Variants in HIBCH observed in about 807,000 individuals in gnomAD.
HIBCH encodes the protein 3-hydroxyisobutyryl-CoA hydrolase, mitochondrial.
In HIBCH, 50 loss-of-function variants were observed where a neutral mutation model predicts 58.2. The ratio of observed to expected loss-of-function variants is 0.86; its 90% confidence interval spans 0.68 to 1.09. The LOEUF (loss-of-function observed/expected upper bound fraction) is 1.09, where lower values mean the gene tolerates loss of function less well. Among genes scored for constraint, HIBCH ranks in the 50% least tolerant of loss-of-function variants. HIBCH has a pLI of 0.00. For missense variants in HIBCH, 450 were observed against 449.7 expected (o/e 1.00, Z -0.01); for synonymous variants, 151 against 146.9 (o/e 1.03, Z -0.20).
At position 190,215,467 on chromosome 2, in the gene HIBCH, CTGTGTT is replaced by C. The variant is rs773394683; in HGVS notation, c.892-2398_892-2393del. On this transcript the variant is annotated intron_variant, in intron 11 of 13. Transcript: ENST00000359678. The surrounding 1 kb of genome is among the most constrained non-coding windows in gnomAD (Gnocchi z 4.4). ...ACAACAAAAAAGGAGGAGACTCCCT[CTGTGTT>C]GCTGCAGAGGCTCAGTGATCAAATG... 1 of 152,190 alleles carries C rather than the reference CTGTGTT, an allele frequency of 6.6e-6. No homozygotes were observed. Among genetic ancestry groups the C allele is most frequent in the Non-Finnish European group, 1.5e-5 (1 of 68,028 alleles). The allele number at this position is 152,190 out of a possible 1,614,324, so 9.4% of individuals were successfully genotyped here.
At chr2:190,275,173 A>G (rs566426252) in intron 6 of HIBCH, among the ~76,000 whole-genome samples, 2 of 152,310 alleles carry the variant, frequency 1.3e-5, no homozygotes, top group East Asian at 3.9e-4. Flanking sequence ...CTATTCGAAA[A>G]TGCAAGAGGT....
At chr2:190,195,482 T>C (rs1301125620) in intron 1 of HIBCH, among the ~76,000 whole-genome samples, 1 of 152,200 alleles carries the variant, frequency 6.6e-6, no homozygotes, top group East Asian at 1.9e-4. Flanking sequence ...TATCTCACTG[T>C]TTAAATTTAC....
At chr2:190,199,111 ACT>A (rs1483879722), downstream of HIBCH, among the ~76,000 whole-genome samples, 1 of 152,082 alleles carries the variant, frequency 6.6e-6, no homozygotes, top group Non-Finnish European at 1.5e-5. Flanking sequence ...ATAAAGCCAG[ACT>A]CTAACAGTAG....
At chr2:190,314,699 G>A (rs1381157286) in intron 1 of HIBCH, among the ~76,000 whole-genome samples, 1 of 152,024 alleles carries the variant, frequency 6.6e-6, no homozygotes, top group African/African-American at 2.4e-5. Flanking sequence ...GGCTAGTCTT[G>A]AACTCCCAAC....
intron 11 of HIBCH, among the ~76,000 whole-genome samples, chr2:190,226,897 A>T (rs927493833): frequency 6.6e-6 from 1 of 152,148 alleles, no homozygotes; most frequent in East Asian, 1.9e-4. Flanking sequence ...CTTCAAGGAG[A>T]ACTACAAACC....
intron 5 of HIBCH, among the ~76,000 whole-genome samples, chr2:190,289,338 C>A (rs1324195144): frequency 6.6e-6 from 1 of 151,970 alleles, no homozygotes; most frequent in East Asian, 1.9e-4. Context: ...AGGCACATGA[C>A]AAAAACTGAA....
At chr2:190,231,499 A>G (rs1686095414) in intron 11 of HIBCH, among the ~76,000 whole-genome samples, 1 of 152,230 alleles carries the variant, frequency 6.6e-6, no homozygotes, top group East Asian at 1.9e-4. Context: ...GTAATTACCG[A>G]AAAAGCTCTT....
intron 9 of HIBCH, among the ~76,000 whole-genome samples, chr2:190,248,475 T>G (rs927154432): frequency 6.6e-6 from 1 of 152,172 alleles, no homozygotes; most frequent in Non-Finnish European, 1.5e-5. Flanking sequence ...GTCTCTACTG[T>G]CAGCTAGACC....
chr2:190,191,313 TC>T (rs1224470081), intron 1 of HIBCH, among the ~76,000 whole-genome samples: 3 of 152,052 alleles, frequency 2.0e-5, no homozygotes, highest in Non-Finnish European at 4.4e-5. Flanking sequence ...CTGCTAACTT[TC>T]TTGTATTTTC....
chr2:190,317,056 G>T (rs1688722636), intron 1 of HIBCH, among the ~76,000 whole-genome samples: 1 of 152,166 alleles, frequency 6.6e-6, no homozygotes, highest in Non-Finnish European at 1.5e-5. Context: ...TGGAAGGATA[G>T]GCGTATGCCA....
chr2:190,286,892 C>A (rs1224224134), intron 6 of HIBCH, among the ~76,000 whole-genome samples: 2 of 151,142 alleles, frequency 1.3e-5, no homozygotes, highest in African/African-American at 2.4e-5. Flanking sequence ...ATTCTAGTTT[C>A]TCTTCTGAAG....
chr2:190,212,691 T>G (rs1690540783), intron 12 of HIBCH, among the ~76,000 whole-genome samples: 1 of 152,184 alleles, frequency 6.6e-6, no homozygotes, highest in Non-Finnish European at 1.5e-5. Flanking sequence ...AGACATTAAT[T>G]TCTATTTTGA....
In HIBCH at chr2:190,244,862, A is replaced by T. The variant is rs762656578; in HGVS notation, c.891+25T>A. Reference sequence around the variant, plus strand: ...TCACCGGACTTCACTATGTTCACTCAGGGCAGAAAGGATTCCAATATTACC... The same window carrying T: ...TCACCGGACTTCACTATGTTCACTCTGGGCAGAAAGGATTCCAATATTACC... On this transcript the variant is annotated intron_variant, in intron 11 of 13. Transcript: ENST00000359678. 18 of 1,482,028 alleles carry T rather than the reference A, an allele frequency of 1.2e-5. No individual in the cohort carries two copies. The East Asian group carries it at 2.0e-4, about 17-fold the overall frequency. 91.8% of individuals were successfully genotyped at this position (1,482,028 alleles called of 1,614,324 possible).
rs931953377 is a variant in HIBCH at position 190,223,040 on chromosome 2, A to G, written c.892-9965T>C. 3.3e-5 allele frequency among the ~76,000 whole-genome samples: 5 copies of G among 152,322 alleles called. No individual in the cohort carries two copies. In the South Asian group the frequency reaches 1.0e-3, roughly 32 times the overall value. On this transcript the variant is annotated intron_variant, in intron 11 of 13. Transcript: ENST00000359678. ...ACAAGATCAGAAAACCAAACACCAC[A>G]TGTTCTCACTCATAAGTGGGAGTTG...
downstream of HIBCH, chr2:190,203,799 A>G (rs533361796): frequency 1.4e-4 from 22 of 152,258 alleles, no homozygotes; most frequent in African/African-American, 5.3e-4. Context: ...CCATTTCCTC[A>G]TCTATGAGAA....
In HIBCH at chr2:190,306,346, T is replaced by C. The variant is rs1286545970; in HGVS notation, c.78+4408A>G. 6.6e-6 allele frequency among the ~76,000 whole-genome samples: 1 copy of C among 152,160 alleles called. No individual in the cohort carries two copies. The highest frequency in any genetic ancestry group is 6.5e-5 in the Admixed American group (1 of 15,284). On this transcript the variant is annotated intron_variant, in intron 2 of 13. Transcript: ENST00000359678. This position sits in a 1 kb window ranked among gnomAD's most constrained non-coding sequence, Gnocchi z 4.6. ...TGACCACTCCTTGCCTGGGTCATTT[T>C]CAAGGTAGCCACCATGAAGAAAAAG...
chr2:190,221,898 T>C (rs987519616), intron 11 of HIBCH, among the ~76,000 whole-genome samples: 1 of 152,182 alleles, frequency 6.6e-6, no homozygotes, highest in African/African-American at 2.4e-5. Flanking sequence ...ACAGCTCCCC[T>C]TCCTTGAGAG....
At chr2:190,224,978 G>A (rs1377535152) in intron 11 of HIBCH, among the ~76,000 whole-genome samples, 5 of 152,178 alleles carry the variant, frequency 3.3e-5, no homozygotes, top group Non-Finnish European at 7.4e-5. Context: ...ACTCAAAATC[G>A]CTCAACTACT....
Position 190,214,779 on chromosome 2 carries a change from C to T in HIBCH, c.892-1704G>A, listed in dbSNP as rs1215161842. ...CCAACACGCTTGCCCCTCCCCCAAA[C>T]ATCTCACAAGGTAGAGGACAGGGAG... On this transcript the variant is annotated intron_variant, in intron 11 of 13. Transcript: ENST00000359678. The surrounding 1 kb of genome is among the most constrained non-coding windows in gnomAD (Gnocchi z 5.5). 6.6e-6 allele frequency: 1 copy of T among 152,268 alleles called. No homozygotes were observed. Among genetic ancestry groups the T allele is most frequent in the African/African-American group, 2.4e-5 (1 of 41,440 alleles). 9.4% of individuals were successfully genotyped at this position (152,268 alleles called of 1,614,324 possible).
Sources: gnomAD v4.1 joint callset for allele counts (sites outside exome capture counted in the v4.1 genomes callset) on GRCh38, gnomAD v4.1.1 for gene constraint, Gnocchi (gnomAD v3.1) non-coding constraint, MANE v1.5 for transcripts, NCBI Gene and HGNC (gene_info 2026-07-23, HGNC 2026-07-21) for gene names.